The following NF1 variants were observed in gnomAD, a reference collection of about 807,000 sequenced individuals.
NF1 encodes neurofibromin 1.
Under a neutral mutation model 325.7 loss-of-function variants are expected in NF1, and 122 were observed. The ratio of observed to expected loss-of-function variants is 0.37; its 90% CI spans 0.32 to 0.44. The LOEUF is 0.44. NF1 is among the 20% of genes least tolerant of loss of function. NF1 has a pLI of 1.00. For synonymous variants in NF1, 1,091 were observed against 1,186.0 expected (o/e 0.92, Z 1.65); for missense variants, 2,140 against 3,415.4 (o/e 0.63, Z 9.31).
chr17:31,349,293 T>C (rs747216002), intron 49 of NF1, 42 bp downstream of exon 49: 3 of 1,595,850 alleles, frequency 1.9e-6, no homozygotes, highest in East Asian at 2.2e-5. Context: ...GCTACATCTA[T>C]ATATAAGGAT....
rs760117122 is a variant in NF1, at chr17:31,260,346, C to CTAA, written c.4431-21_4431-19dup. On this transcript the variant is annotated intron_variant, in intron 33 of 57. Coordinates refer to ENST00000358273, the MANE Select transcript of NF1 (RefSeq NM_001042492.3). ...CTGGGTGTATCTGGTGTTGAAAATTCTAATGACTTTGCATTTTTGAAGGTT... is the reference window on the plus strand; with the variant it reads ...CTGGGTGTATCTGGTGTTGAAAATTCTAATAATGACTTTGCATTTTTGAAGGTT... 12 of 1,612,658 alleles carry CTAA rather than the reference C, an allele frequency of 7.4e-6. No homozygotes were observed. The East Asian group carries it at 2.7e-4, about 36-fold the overall frequency.
At chr17:31,320,810 A>T (rs1246584790) in intron 36 of NF1, 1 of 178,044 alleles carries the variant, frequency 5.6e-6, no homozygotes, top group East Asian at 1.5e-4. Context: ...TTGAAATTGG[A>T]TTAGCAAGTA....
At chr17:31,129,766 T>A (rs2143452288) in intron 1 of NF1, among the ~76,000 whole-genome samples, 1 of 152,176 alleles carries the variant, frequency 6.6e-6, no homozygotes, top group South Asian at 2.1e-4. Flanking sequence ...CTGTATGAGG[T>A]CGTTTATATT....
chr17:31,250,790 A>G (rs1277839717), intron 30 of NF1: 1 of 188,664 alleles, frequency 5.3e-6, no homozygotes, highest in African/African-American at 2.3e-5. Flanking sequence ...ATTTTTAAAC[A>G]CTATATGTGG....
intron 31 of NF1, among the ~76,000 whole-genome samples, chr17:31,255,594 T>G (rs1340328067): frequency 1.3e-5 from 2 of 152,174 alleles, no homozygotes; most frequent in African/African-American, 2.4e-5. Flanking sequence ...ATTTTGGGTT[T>G]TGACATGAAT....
At chr17:31,199,495 T>C (rs1189115140) in intron 8 of NF1, among the ~76,000 whole-genome samples, 2 of 152,248 alleles carry the variant, frequency 1.3e-5, no homozygotes, top group African/African-American at 4.8e-5. Context: ...AACATAGGTC[T>C]GTTTTGGAGA....
At chr17:31,215,106 T>C (rs1391541106) in intron 13 of NF1, among the ~76,000 whole-genome samples, 1 of 152,124 alleles carries the variant, frequency 6.6e-6, no homozygotes, top group Non-Finnish European at 1.5e-5. Flanking sequence ...GTACTTGAGT[T>C]AGTGTGATTA....
At chr17:31,234,589 T>C (rs1027312715) in intron 27 of NF1, among the ~76,000 whole-genome samples, 3 of 134,324 alleles carry the variant, frequency 2.2e-5, no homozygotes, top group Non-Finnish European at 3.0e-5. Context: ...GGCAGGAGAA[T>C]GGTGTGAACC....
At chr17:31,177,300 A>G (rs529365548) in intron 5 of NF1, among the ~76,000 whole-genome samples, 32 of 152,284 alleles carry the variant, frequency 2.1e-4, no homozygotes, top group Middle Eastern at 3.4e-3. Context: ...GACCTCCAGC[A>G]AACTCCAGCA....
intron 36 of NF1, among the ~76,000 whole-genome samples, chr17:31,277,091 T>G (rs899247446): frequency 1.3e-5 from 2 of 152,200 alleles, no homozygotes; most frequent in Admixed American, 6.5e-5. Context: ...ATATATTTAC[T>G]GTTCTCTGAG....
intron 52 of NF1, 109 bp downstream of exon 52, chr17:31,356,691 A>C: frequency 6.8e-7 from 1 of 1,468,178 alleles, no homozygotes; most frequent in Non-Finnish European, 9.3e-7. Context: ...GAAATATAGA[A>C]ACGTTTGCCA....
chr17:31,107,837 G>A (rs910348171), intron 1 of NF1, among the ~76,000 whole-genome samples: 1 of 151,644 alleles, frequency 6.6e-6, no homozygotes, highest in African/African-American at 2.4e-5. Flanking sequence ...AACTTAAATG[G>A]ATTTAAAAAT....
At chr17:31,222,457 G>A (rs532810139) in intron 15 of NF1, 16 of 1,031,130 alleles carry the variant, frequency 1.6e-5, no homozygotes, top group African/African-American at 1.2e-4. Context: ...GTCACCACAC[G>A]GAGGAAAATG....
intron 47 of NF1, among the ~76,000 whole-genome samples, 194 bp downstream of exon 47, chr17:31,340,839 A>G (rs2069801983): frequency 6.6e-6 from 1 of 150,788 alleles, no homozygotes; most frequent in South Asian, 2.1e-4. Context: ...TTTTTTACAT[A>G]AAAATAGCAA....
chr17:31,168,639 C>CT (rs2065883229), intron 4 of NF1, among the ~76,000 whole-genome samples: 1 of 151,968 alleles, frequency 6.6e-6, no homozygotes, highest in Non-Finnish European at 1.5e-5. Flanking sequence ...GTTCATTTGG[C>CT]TGGGGGGGGA....
intron 57 of NF1, among the ~76,000 whole-genome samples, chr17:31,367,713 G>T (rs530509469): frequency 6.6e-6 from 1 of 152,222 alleles, no homozygotes; most frequent in African/African-American, 2.4e-5. Context: ...GTTAAAAAAA[G>T]GAATATGGCC....
At chr17:31,101,255 C>T (rs1408889418) in intron 1 of NF1, among the ~76,000 whole-genome samples, 3 of 152,110 alleles carry the variant, frequency 2.0e-5, no homozygotes, top group Non-Finnish European at 4.4e-5. Flanking sequence ...CCCCCGGAAA[C>T]CAATCTCTTC....
At chr17:31,227,171 G>A (rs2067029298) in intron 18 of NF1, 47 bp from the exon 19 acceptor site, 1 of 1,586,014 alleles carries the variant, frequency 6.3e-7, no homozygotes, top group Non-Finnish European at 8.7e-7. Context: ...CCATTGGCAG[G>A]CAGGGCTCTA....
At chr17:31,225,506 A>G (rs951489179) in intron 17 of NF1, among the ~76,000 whole-genome samples, 2 of 152,178 alleles carry the variant, frequency 1.3e-5, no homozygotes, top group Non-Finnish European at 2.9e-5. Context: ...GGATGTGTAA[A>G]TAGCACTTGA....
Sources: gnomAD v4.1 joint callset for allele counts (sites outside exome capture counted in the v4.1 genomes callset) on GRCh38, gnomAD v4.1.1 for gene constraint, MANE v1.5 for transcripts, NCBI Gene and HGNC (gene_info 2026-07-23, HGNC 2026-07-21) for gene names.